The following ADAM22 variants were observed in gnomAD, a reference collection of about 807,000 sequenced individuals.
ADAM22 encodes the protein ADAM metallopeptidase domain 22, also known as disintegrin and metalloproteinase domain-containing protein 22.
Under a neutral mutation model 144.6 loss-of-function variants are expected in ADAM22, and 65 were observed. The observed-to-expected ratio is 0.45, with a 90% CI of 0.37 to 0.55. The LOEUF is 0.55. Among genes scored for constraint, ADAM22 ranks in the 20% least tolerant of loss-of-function variants. ADAM22 has a pLI of 0.00. For missense variants in ADAM22, 974 were observed against 1,184.9 expected (o/e 0.82, Z 2.61); for synonymous variants, 391 against 412.6 (o/e 0.95, Z 0.63).
rs1426291084 is a variant in ADAM22 at position 88,198,323 on chromosome 7, T to C, written c.*1832T>C. The C allele has an allele frequency of 1.3e-5, 2 of 152,216 alleles. No individual in the cohort carries two copies. The highest frequency in any genetic ancestry group is 1.3e-4 in the Admixed American group (2 of 15,280). The allele number at this position is 152,216 out of a possible 1,614,324, so 9.4% of individuals were successfully genotyped here. On this transcript the variant is annotated 3_prime_UTR_variant, in exon 32 of 32. Coordinates refer to ENST00000413139, the MANE Select transcript of ADAM22 (RefSeq NM_001324418.2). ...ACCTCTCTTTTGAAAGTCTTTGAAA[T>C]GTTTGGAAAGCAATTTAATGATCCA...
intron 30 of ADAM22, among the ~76,000 whole-genome samples, chr7:88,191,924 A>G (rs1676448156): frequency 6.6e-6 from 1 of 152,256 alleles, no homozygotes; most frequent in African/African-American, 2.4e-5. Flanking sequence ...TTTAGCTTGA[A>G]TTCAGTGTCC....
chr7:87,950,499 G>T lies in ADAM22; in HGVS notation c.246+15313G>T, dbSNP rs370437387. 5.3e-3 allele frequency among the ~76,000 whole-genome samples: 781 copies of T among 145,992 alleles called. 2 individuals are homozygous for T. The highest frequency in any genetic ancestry group is 0.02 in the East Asian group (95 of 4,866). On this transcript the variant is annotated intron_variant, in intron 2 of 31. Transcript: ENST00000413139. ...TTTTTTATGGCTGCATAGTATTCCA[G>T]GGTGTATATGTGCCACATTTTCTTA...
chr7:87,980,993 A>C (rs1409901535), intron 3 of ADAM22, among the ~76,000 whole-genome samples: 1 of 152,214 alleles, frequency 6.6e-6, no homozygotes, highest in Non-Finnish European at 1.5e-5. Flanking sequence ...TTCGGAAAGA[A>C]GAAAGCTCAA....
chr7:88,014,948 A>G (rs1796230105), intron 3 of ADAM22, among the ~76,000 whole-genome samples: 1 of 152,222 alleles, frequency 6.6e-6, no homozygotes, highest in Non-Finnish European at 1.5e-5. Flanking sequence ...CTGGGAATCC[A>G]CAGGTTTGTA....
chr7:88,107,478 GGCATGA>G (rs1563228436), intron 4 of ADAM22, among the ~76,000 whole-genome samples: 1 of 152,080 alleles, frequency 6.6e-6, no homozygotes, highest in Non-Finnish European at 1.5e-5. Flanking sequence ...TGGGATTAGA[GGCATGA>G]GCCACTGCAC....
chr7:88,194,526 G>T (rs1419565845), intron 31 of ADAM22, among the ~76,000 whole-genome samples: 1 of 152,158 alleles, frequency 6.6e-6, no homozygotes, highest in Non-Finnish European at 1.5e-5. Context: ...CCTATCAGCA[G>T]CCCCTCTGTT....
At chr7:88,109,637 TG>T (rs1825472973) in intron 5 of ADAM22, among the ~76,000 whole-genome samples, 1 of 151,618 alleles carries the variant, frequency 6.6e-6, no homozygotes, top group Non-Finnish European at 1.5e-5. Context: ...ACACAAGTCC[TG>T]GGAGCTCACA....
intron 11 of ADAM22, 66 bp from the exon 12 acceptor site, chr7:88,132,801 A>T: frequency 2.4e-6 from 3 of 1,272,044 alleles, no homozygotes; most frequent in Non-Finnish European, 3.4e-6. Context: ...TAGTAAACTA[A>T]TAATGAGGGG....
intron 8 of ADAM22, among the ~76,000 whole-genome samples, chr7:88,127,427 C>T (rs1830673465): frequency 6.6e-6 from 1 of 151,904 alleles, no homozygotes; most frequent in Admixed American, 6.6e-5. Flanking sequence ...ATTAACTAGT[C>T]TCTCACAAGT....
Position 88,198,715 on chromosome 7 carries a change from A to G in ADAM22, c.*2224A>G, listed in dbSNP as rs1338542281. On this transcript the variant is annotated 3_prime_UTR_variant, in exon 32 of 32. Coordinates refer to ENST00000413139, the MANE Select transcript of ADAM22 (RefSeq NM_001324418.2). ...AAGAATCCACAAATGGCTAGCTGAG[A>G]AGTTAACAGATCTCTATCATTCGTC... 1 of 152,200 alleles carries G rather than the reference A, an allele frequency of 6.6e-6. No homozygotes were observed. The highest frequency in any genetic ancestry group is 1.9e-4 in the East Asian group (1 of 5,204). 9.4% of individuals were successfully genotyped at this position (152,200 alleles called of 1,614,324 possible).
chr7:88,007,955 A>G (rs1205834286), intron 3 of ADAM22, among the ~76,000 whole-genome samples: 1 of 152,218 alleles, frequency 6.6e-6, no homozygotes, highest in Non-Finnish European at 1.5e-5. Context: ...CATCAGAGTG[A>G]ACAGGCAACC....
At chr7:88,047,995 T>C (rs1805134146) in intron 3 of ADAM22, among the ~76,000 whole-genome samples, 1 of 151,902 alleles carries the variant, frequency 6.6e-6, no homozygotes, top group Non-Finnish European at 1.5e-5. Flanking sequence ...AAAATGGAAG[T>C]TTCTTGAACT....
intron 4 of ADAM22, among the ~76,000 whole-genome samples, chr7:88,104,600 T>G (rs868407947): frequency 5.3e-5 from 8 of 151,710 alleles, no homozygotes; most frequent in Middle Eastern, 3.4e-3. Flanking sequence ...AGCCTAACTC[T>G]TGGACTAAAA....
At chr7:88,031,223 C>G (rs1800194943) in intron 3 of ADAM22, among the ~76,000 whole-genome samples, 1 of 152,040 alleles carries the variant, frequency 6.6e-6, no homozygotes. Context: ...AAAATTGGTA[C>G]CAGGAGTGGG....
intron 15 of ADAM22, 104 bp from the exon 16 acceptor site, chr7:88,145,021 A>G (rs1835920134): frequency 1.1e-6 from 1 of 891,284 alleles, no homozygotes; most frequent in African/African-American, 1.7e-5. Flanking sequence ...ATATTTTAGA[A>G]TGACTGGCAG....
intron 5 of ADAM22, among the ~76,000 whole-genome samples, chr7:88,113,678 T>TA (rs1225182621): frequency 9.6e-6 from 1 of 103,770 alleles, no homozygotes; most frequent in African/African-American, 4.2e-5. Flanking sequence ...ATATATATAA[T>TA]ATATATATTA....
chr7:88,103,837 A>C (rs1212359077), intron 4 of ADAM22, among the ~76,000 whole-genome samples: 1 of 152,188 alleles, frequency 6.6e-6, no homozygotes, highest in Non-Finnish European at 1.5e-5. Context: ...AAGATTTGAG[A>C]AAGTTGGTTT....
chr7:88,061,252 A>G (rs886658210), intron 3 of ADAM22, among the ~76,000 whole-genome samples: 1 of 152,126 alleles, frequency 6.6e-6, no homozygotes, highest in South Asian at 2.1e-4. Context: ...ACCCTAAACC[A>G]TCCATGATGG....
At chr7:88,194,785 G>C (rs931233193) in intron 31 of ADAM22, among the ~76,000 whole-genome samples, 7 of 152,194 alleles carry the variant, frequency 4.6e-5, no homozygotes, top group African/African-American at 1.4e-4. Context: ...CATCAGTTCA[G>C]ATCGTCTTTG....
Sources: allele counts gnomAD v4.1 joint callset (sites outside exome capture counted in the v4.1 genomes callset), GRCh38; gene constraint gnomAD v4.1.1; transcripts MANE v1.5; gene names NCBI Gene and HGNC (gene_info 2026-07-23, HGNC 2026-07-21).